The following IL9R variants were observed in gnomAD, a reference collection of about 807,000 sequenced individuals.
IL9R encodes interleukin 9 receptor, also known as interleukin-9 receptor.
In IL9R, 54 loss-of-function variants were observed where a neutral mutation model predicts 56.3. That is an observed-to-expected ratio of 0.96 (90% CI 0.77 to 1.20). The LOEUF is 1.20. Ranked by LOEUF, IL9R falls within the 50% of genes most tolerant of loss-of-function variation. The pLI is 0.00. For missense variants in IL9R, 545 were observed against 629.8 expected, an observed-to-expected ratio of 0.87 and a Z score of 1.44; for synonymous variants, 212 against 250.2, an observed-to-expected ratio of 0.85 and a Z score of 1.44.
Position 156,005,371 on chromosome X carries a change from C to A in IL9R, c.673C>A (p.Arg225Ser), listed in dbSNP as rs140130676. 1 of 1,612,754 alleles carries A rather than the reference C, an allele frequency of 6.2e-7. No homozygotes were observed. Among genetic ancestry groups the A allele is most frequent in the Non-Finnish European group, 8.5e-7 (1 of 1,179,684 alleles). ...DPGFIHEARL[R>S]VQMATLEDDV... ...TGGCTTTATCCATGAGGCCAGGCTG[C>A]GTGTCCAGATGGCCACACTGGAGGA... is the stretch of plus-strand genomic sequence containing the variant. The change falls in exon 6 of 9, where the codon CGT becomes AGT. Residue 225 changes from arginine (R) to serine (S), a missense_variant. This residue lies in a region of IL9R where 431 missense variants were observed against 360.0 expected (regional missense o/e 1.20). Coordinates refer to ENST00000244174, the MANE Select transcript of IL9R (RefSeq NM_002186.3).
chrX:155,997,702 C>T lies in IL9R; in HGVS notation c.-58C>T. ...AATCAGGCTGAGGGTCTTTGCTGTGCACCCAGAGATAGTTGGGTGACAAAT... is the reference window on the plus strand; with the variant it reads ...AATCAGGCTGAGGGTCTTTGCTGTGTACCCAGAGATAGTTGGGTGACAAAT... On this transcript the variant is annotated 5_prime_UTR_variant, in exon 1 of 9. Coordinates refer to ENST00000244174, the MANE Select transcript of IL9R (RefSeq NM_002186.3). The T allele has an allele frequency of 1.9e-6, 3 of 1,577,726 alleles. No individual in the cohort carries two copies. The highest frequency in any genetic ancestry group is 1.7e-6 in the Non-Finnish European group (2 of 1,146,848).
At chrX:156,009,219 ATG>A (rs2068269251) in intron 8 of IL9R, among the ~76,000 whole-genome samples, 1 of 63,600 alleles carries the variant, frequency 1.6e-5, no homozygotes. Context: ...GTGTGTGTTT[ATG>A]TGTCTGTGTG....
chrX:156,007,674 T>C, intron 8 of IL9R, 67 bp downstream of exon 8: 1 of 407,380 alleles, frequency 2.5e-6, no homozygotes, highest in Non-Finnish European at 3.9e-6. Context: ...CTGCCCAAGA[T>C]GTTGGCTTTC....
Position 156,004,591 on chromosome X carries a change from G to A in IL9R, c.579+26G>A, listed in dbSNP as rs1396190134. The A allele has an allele frequency of 1.9e-6, 3 of 1,611,456 alleles. No individual in the cohort carries two copies. In the South Asian group the frequency reaches 3.3e-5, roughly 18 times the overall value. On this transcript the variant is annotated intron_variant, in intron 5 of 8. Coordinates refer to ENST00000244174, the MANE Select transcript of IL9R (RefSeq NM_002186.3). Reference sequence around the variant, plus strand: ...GTAACACTTTGGCTGGCTTTCCCTGGGGGCCTCTCTCCTGGGAACAGCAGT... The same window carrying A: ...GTAACACTTTGGCTGGCTTTCCCTGAGGGCCTCTCTCCTGGGAACAGCAGT...
rs1232582671 is a variant in IL9R, at chrX:156,007,510, C to G, written c.888-13C>G. 3 of 1,116,400 alleles carry G rather than the reference C, an allele frequency of 2.7e-6. No individual in the cohort carries two copies. The highest frequency in any genetic ancestry group is 3.9e-5 in the Admixed American group (2 of 51,734). 69.2% of individuals were successfully genotyped at this position (1,116,400 alleles called of 1,614,324 possible). A position where few individuals can be genotyped will look rare whatever the true frequency, so the allele number is the denominator to read the frequency against. Reference sequence around the variant, plus strand: ...GTCGCCATAGGCCTCTGACTGGCCTCTCTTGGCCTCAGGGTGAAGAGAATC... The same window carrying G: ...GTCGCCATAGGCCTCTGACTGGCCTGTCTTGGCCTCAGGGTGAAGAGAATC... On this transcript the variant is annotated splice_polypyrimidine_tract_variant and intron_variant, in intron 7 of 8. Transcript: ENST00000244174.
intron 1 of IL9R, 165 bp from the exon 2 acceptor site, chrX:156,002,741 T>A (rs2067616755): frequency 2.1e-6 from 2 of 961,590 alleles, no homozygotes; most frequent in Non-Finnish European, 3.2e-6. Context: ...CAGTAAAGCC[T>A]GGACAGTGGT....
chrX:156,005,135 G>A (rs1176978338), intron 5 of IL9R, 143 bp from the exon 6 acceptor site: 6 of 693,936 alleles, frequency 8.6e-6, no homozygotes, highest in African/African-American at 5.3e-5. Context: ...GTGTGTGCAC[G>A]TGAATGTGGT....
At chrX:156,005,542 T>C in intron 6 of IL9R, 63 bp downstream of exon 6, 1 of 1,401,672 alleles carries the variant, frequency 7.1e-7, no homozygotes, top group Non-Finnish European at 1.0e-6. Context: ...TCTCCCCTGT[T>C]CACCTCAGCC....
At chrX:155,998,485 T>C (rs1416988026) in intron 1 of IL9R, among the ~76,000 whole-genome samples, 1 of 152,108 alleles carries the variant, frequency 6.6e-6, no homozygotes, top group African/African-American at 2.4e-5. Flanking sequence ...CCCCATTTTC[T>C]CTTCCTGTGA....
intron 1 of IL9R, among the ~76,000 whole-genome samples, chrX:156,000,807 T>C (rs1173212829): frequency 6.6e-6 from 1 of 152,156 alleles, no homozygotes; most frequent in Non-Finnish European, 1.5e-5. Context: ...CTGGGGCATG[T>C]GCTGAGTGGT....
At chrX:156,004,374 C>T in intron 4 of IL9R, 46 bp from the exon 5 acceptor site, 1 of 1,607,912 alleles carries the variant, frequency 6.2e-7, no homozygotes, top group Non-Finnish European at 8.5e-7. Flanking sequence ...ACTGACACAC[C>T]CAGACCCATG....
rs936387005 is a variant in IL9R, at chrX:156,003,668, C to T, written c.255-9C>T. On this transcript the variant is annotated splice_polypyrimidine_tract_variant and intron_variant, in intron 3 of 8. Transcript: ENST00000244174. ...GCAGCCCCGTGGTGCTGACAAATGC[C>T]CTTTCCAGCAACCAGGCTCCTGGCG... is the stretch of plus-strand genomic sequence containing the variant. 6.2e-7 allele frequency: 1 copy of T among 1,612,528 alleles called. No homozygotes were observed. Among genetic ancestry groups the T allele is most frequent in the Admixed American group, 1.7e-5 (1 of 59,712 alleles).
chrX:156,000,145 A>ATATATATATATATAT (rs1556394100), intron 1 of IL9R, among the ~76,000 whole-genome samples: 11 of 144,254 alleles, frequency 7.6e-5, no homozygotes, highest in African/African-American at 2.9e-4. Flanking sequence ...AAAAAAAAAA[A>ATATATATATATATAT]ATATATATAT....
intron 5 of IL9R, 25 bp from the exon 6 acceptor site, chrX:156,005,253 C>T: frequency 1.2e-6 from 2 of 1,607,976 alleles, no homozygotes; most frequent in Non-Finnish European, 1.7e-6. Flanking sequence ...CCTTCACCAC[C>T]TGCTAACTGT....
chrX:155,998,860 G>A (rs1012509938), intron 1 of IL9R, among the ~76,000 whole-genome samples: 1 of 152,112 alleles, frequency 6.6e-6, no homozygotes, highest in African/African-American at 2.4e-5. Flanking sequence ...CAGCAAGGCT[G>A]TGGGAGGGGT....
chrX:155,997,771 C>A lies in IL9R; in HGVS notation c.12C>A (p.Gly4=). 1 of 1,613,564 alleles carries A rather than the reference C, an allele frequency of 6.2e-7. No homozygotes were observed. Among genetic ancestry groups the A allele is most frequent in the African/African-American group, 1.3e-5 (1 of 75,026 alleles). MGL[G]RCIWEGWTLE... ...GCCTCAGACTTGTGATGGGACTGGGCAGATGCATCTGGGAAGGTGAGTCTG... is the reference window on the plus strand; with the variant it reads ...GCCTCAGACTTGTGATGGGACTGGGAAGATGCATCTGGGAAGGTGAGTCTG... Residue 4 remains glycine, a synonymous_variant, in exon 1 of 9, where the codon GGC becomes GGA. Coordinates refer to ENST00000244174, the MANE Select transcript of IL9R (RefSeq NM_002186.3).
Position 156,002,961 on chromosome X carries a change from C to T in IL9R, c.84C>T (p.Ala28=). The T allele has an allele frequency of 6.2e-7, 1 of 1,613,866 alleles. No homozygotes were observed. Among genetic ancestry groups the T allele is most frequent in the Non-Finnish European group, 8.5e-7 (1 of 1,179,846 alleles). Residue 28 remains alanine, a synonymous_variant, in exon 2 of 9, where the codon GCC becomes GCT. Transcript: ENST00000244174. The part of the protein sequence containing the change: ...LRRDMGTWLL[A]CICICTCVCL... ...GAGACATGGGCACCTGGCTCCTGGC[C>T]TGCATCTGCATCTGCACCTGTGTCT...
At chrX:156,002,215 C>T (rs760170371) in intron 1 of IL9R, among the ~76,000 whole-genome samples, 4 of 151,712 alleles carry the variant, frequency 2.6e-5, no homozygotes, top group African/African-American at 7.3e-5. Flanking sequence ...CTGGGCATGG[C>T]GGGAGATGCC....
chrX:156,005,896 C>T (rs1042667387), intron 6 of IL9R, among the ~76,000 whole-genome samples, 187 bp from the exon 7 acceptor site: 1 of 142,092 alleles, frequency 7.0e-6, no homozygotes, highest in Non-Finnish European at 1.5e-5. Context: ...CAAGGTCCTT[C>T]AGCAGGTGAC....
Sources: allele counts gnomAD v4.1 joint callset (sites outside exome capture counted in the v4.1 genomes callset), GRCh38; gene constraint gnomAD v4.1.1; regional missense constraint gnomAD v4.1.1; transcripts MANE v1.5; gene names NCBI Gene and HGNC (gene_info 2026-07-23, HGNC 2026-07-21).